NEB: variants seen among roughly 807,000 people sequenced by gnomAD.
The protein encoded by NEB is nemaline myopathy type 2.
A neutral mutation model predicts 952.2 loss-of-function variants in NEB; 512 were observed. That is an observed-to-expected ratio of 0.54 (90% confidence interval 0.50 to 0.58). NEB has a LOEUF of 0.58. Ranked by LOEUF, NEB falls within the 20% of genes least tolerant of loss-of-function variation. NEB has a pLI of 0.00. For missense variants in NEB, 8,428 were observed against 9,231.1 expected, an observed-to-expected ratio of 0.91 and a Z score of 3.56; for synonymous variants, 2,900 against 3,149.8, an observed-to-expected ratio of 0.92 and a Z score of 2.66.
intron 179 of NEB, chr2:151,491,135 A>G (rs1367394219): frequency 6.5e-6 from 1 of 153,366 alleles, no homozygotes; most frequent in Admixed American, 6.5e-5. Context: ...GGCTCAAGCT[A>G]TCCTCCCACT....
At chr2:151,534,383 A>C in intron 142 of NEB, 11 of 1,396,690 alleles carry the variant, frequency 7.9e-6, no homozygotes, top group Non-Finnish European at 1.0e-5. Flanking sequence ...AAAATGTCTC[A>C]AGGTAAACAC....
At chr2:151,501,790 T>C (rs2064788265) in intron 167 of NEB, among the ~76,000 whole-genome samples, 1 of 151,958 alleles carries the variant, frequency 6.6e-6, no homozygotes, top group Admixed American at 6.6e-5. Flanking sequence ...GAAATTAATA[T>C]CCATGAGTTG....
chr2:151,496,391 G>C (rs1320177771), intron 172 of NEB, 23 bp from the exon 173 acceptor site: 1 of 1,587,656 alleles, frequency 6.3e-7, no homozygotes, highest in Admixed American at 1.8e-5. Flanking sequence ...AAAGCATCCA[G>C]AAAAACAACC....
intron 3 of NEB, 49 bp from the exon 4 acceptor site, chr2:151,729,705 A>G (rs761703396): frequency 6.3e-7 from 1 of 1,587,312 alleles, no homozygotes; most frequent in Non-Finnish European, 8.6e-7. Context: ...AGCAGAAACC[A>G]CCTCTCCTCT....
chr2:151,618,297 T>C lies in NEB; in HGVS notation c.11054A>G (p.Asn3685Ser), dbSNP rs2098272534. ...CACCTTATTCATGTTTAAAGCATTG[T>C]TTTTTGCCAGCACCTGCTCCGGAGT... ...TDTPEQVLAK[N>S]NALNMNKRLY... The change falls in exon 74 of 182, where the codon AAC becomes AGC. Residue 3685 changes from asparagine (N) to serine (S), a missense_variant. Around this residue, in one of 11 missense-constraint regions of NEB, gnomAD observed 1,772 missense variants for 1,960.3 expected, o/e 0.90. Coordinates refer to ENST00000397345, the MANE Select transcript of NEB (RefSeq NM_001164508.2). The C allele has an allele frequency of 1.2e-6, 2 of 1,613,944 alleles. No individual in the cohort carries two copies. The highest frequency in any genetic ancestry group is 8.5e-7 in the Non-Finnish European group (1 of 1,179,842).
At chr2:151,716,020 A>C (rs765900392) in intron 10 of NEB, 3 of 281,430 alleles carry the variant, frequency 1.1e-5, no homozygotes, top group Non-Finnish European at 2.1e-5. Context: ...ACATTTAAAA[A>C]TAGATTCCTT....
intron 47 of NEB, 149 bp from the exon 48 acceptor site, chr2:151,658,239 T>C (rs4536649): frequency 0.23 from 136,298 of 602,928 alleles, 21,353 homozygotes; most frequent in East Asian, 0.57. Context: ...TTCTTACAAG[T>C]AACATAACTG....
chr2:151,687,597 A>G (rs1335386905), intron 26 of NEB, 29 bp downstream of exon 26: 1 of 1,613,056 alleles, frequency 6.2e-7, no homozygotes, highest in African/African-American at 1.3e-5. Context: ...CACCCTGTCC[A>G]GGTCCCCAGG....
chr2:151,502,890 G>C lies in NEB; in HGVS notation c.23836-5C>G, dbSNP rs1559296915. ...CAAATTTTCTTTGTACAAAACCTGTGAGATACAAGAAAGTACCCAGAGGAC... is the reference window on the plus strand; with the variant it reads ...CAAATTTTCTTTGTACAAAACCTGTCAGATACAAGAAAGTACCCAGAGGAC... On this transcript the variant is annotated splice_polypyrimidine_tract_variant and splice_region_variant and intron_variant, in intron 166 of 181. Coordinates refer to ENST00000397345, the MANE Select transcript of NEB (RefSeq NM_001164508.2). 29 of 1,546,092 alleles carry C rather than the reference G, an allele frequency of 1.9e-5. No individual in the cohort carries two copies. The highest frequency in any genetic ancestry group is 2.6e-5 in the Non-Finnish European group (29 of 1,124,700).
At position 151,618,284 on chromosome 2, in the gene NEB, G is replaced by A. The variant is rs200427401; in HGVS notation, c.11067C>T (p.Asn3689=). 6.1e-4 allele frequency: 987 copies of A among 1,613,674 alleles called. 2 individuals carry two copies. Among genetic ancestry groups the A allele is most frequent in the Non-Finnish European group, 7.2e-4 (853 of 1,179,722 alleles). The change falls in exon 74 of 182, where the codon AAC becomes AAT. Residue 3689 remains asparagine (N), a synonymous_variant. Coordinates refer to ENST00000397345, the MANE Select transcript of NEB (RefSeq NM_001164508.2). The part of the protein sequence containing the change: ...EQVLAKNNAL[N]MNKRLYTEAW... Reference sequence around the variant, plus strand: ...AGGATTGAAGACTCACCTTATTCATGTTTAAAGCATTGTTTTTTGCCAGCA... The same window carrying A: ...AGGATTGAAGACTCACCTTATTCATATTTAAAGCATTGTTTTTTGCCAGCA...
At chr2:151,521,411 AAAG>A (rs879693856) in intron 153 of NEB, among the ~76,000 whole-genome samples, 4 of 147,968 alleles carry the variant, frequency 2.7e-5, no homozygotes, top group Admixed American at 6.7e-5. Flanking sequence ...CTCTCAACAT[AAAG>A]AAGTGGAAGG....
At chr2:151,728,448 G>A (rs1190958767) in intron 4 of NEB, among the ~76,000 whole-genome samples, 1 of 152,110 alleles carries the variant, frequency 6.6e-6, no homozygotes, top group Admixed American at 6.5e-5. Flanking sequence ...AAAATGAATC[G>A]CATCAATATT....
intron 113 of NEB, 151 bp downstream of exon 113, chr2:151,567,920 G>A (rs915947279): frequency 3.4e-6 from 2 of 596,314 alleles, no homozygotes; most frequent in African/African-American, 3.7e-5. Context: ...ACCGAAAAGT[G>A]AGCAGGTACT....
intron 135 of NEB, among the ~76,000 whole-genome samples, chr2:151,545,626 A>C (rs2094577799): frequency 6.6e-6 from 1 of 151,910 alleles, no homozygotes; most frequent in Admixed American, 6.6e-5. Flanking sequence ...ATCATGCAAA[A>C]CCCCTCATCA....
intron 128 of NEB, among the ~76,000 whole-genome samples, 188 bp downstream of exon 128, chr2:151,552,484 A>G (rs990213257): frequency 6.6e-6 from 1 of 152,220 alleles, no homozygotes; most frequent in African/African-American, 2.4e-5. Flanking sequence ...CGCCCCAGCA[A>G]ACTGCTTGAA....
At chr2:151,679,438 C>T (rs2099398101) in intron 32 of NEB, among the ~76,000 whole-genome samples, 1 of 152,112 alleles carries the variant, frequency 6.6e-6, no homozygotes, top group Non-Finnish European at 1.5e-5. Context: ...TGGTAAGTCA[C>T]TTCTGGATCT....
At chr2:151,675,631 A>G (rs1389355275) in intron 34 of NEB, among the ~76,000 whole-genome samples, 1 of 152,212 alleles carries the variant, frequency 6.6e-6, no homozygotes, top group Non-Finnish European at 1.5e-5. Context: ...GCCCAAGATG[A>G]ATGGAAGGTA....
chr2:151,733,218 AGAGTC>A (rs1273895529), intron 2 of NEB, 33 bp from the exon 3 acceptor site: 6 of 1,399,650 alleles, frequency 4.3e-6, no homozygotes, highest in Non-Finnish European at 6.0e-6. Context: ...AAAACATATT[AGAGTC>A]TATTCCCAGC....
intron 12 of NEB, among the ~76,000 whole-genome samples, chr2:151,707,257 G>C (rs912816436): frequency 6.6e-6 from 1 of 152,170 alleles, no homozygotes; most frequent in East Asian, 1.9e-4. Flanking sequence ...CTTGGGGACA[G>C]ATATAAGAAA....
Sources: allele counts gnomAD v4.1 joint callset (sites outside exome capture counted in the v4.1 genomes callset), GRCh38; gene constraint gnomAD v4.1.1; regional missense constraint gnomAD v4.1.1; transcripts MANE v1.5; gene names NCBI Gene and HGNC (gene_info 2026-07-23, HGNC 2026-07-21).